Variants in SCFD2 observed in about 807,000 individuals in gnomAD.
SCFD2 encodes the protein sec1 family domain containing 2.
SCFD2 carries 54 observed loss-of-function variants against 58.9 expected under a neutral mutation model. The ratio of observed to expected loss-of-function variants is 0.92; its 90% CI spans 0.74 to 1.15. The LOEUF (loss-of-function observed/expected upper bound fraction) is 1.15, where lower values mean the gene tolerates loss of function less well. SCFD2 is among the 50% of genes most tolerant of loss of function. The pLI is 0.00. For synonymous variants in SCFD2, 321 were observed against 335.9 expected (o/e 0.96, Z 0.49); for missense variants, 805 against 836.6 (o/e 0.96, Z 0.47).
At chr4:53,263,549 A>G (rs1730891383) in intron 4 of SCFD2, among the ~76,000 whole-genome samples, 2 of 152,154 alleles carry the variant, frequency 1.3e-5, no homozygotes, top group Non-Finnish European at 2.9e-5. Context: ...TGGAGCTACA[A>G]GGTTTCAGGC....
At chr4:52,929,102 A>C (rs1337801889) in intron 5 of SCFD2, among the ~76,000 whole-genome samples, 1 of 152,184 alleles carries the variant, frequency 6.6e-6, no homozygotes, top group East Asian at 1.9e-4. Flanking sequence ...TGTCTATTTA[A>C]CAAGCAAAAC....
chr4:53,094,977 C>T (rs1321671409), intron 5 of SCFD2, among the ~76,000 whole-genome samples: 2 of 152,140 alleles, frequency 1.3e-5, no homozygotes, highest in Non-Finnish European at 2.9e-5. Context: ...GTTAGCATTA[C>T]TGATGTACTT....
intron 5 of SCFD2, among the ~76,000 whole-genome samples, chr4:53,060,396 G>A (rs1723475949): frequency 6.6e-6 from 1 of 152,094 alleles, no homozygotes; most frequent in Admixed American, 6.6e-5. Context: ...AGTTTTACAT[G>A]TAAATTGAAA....
At chr4:53,213,976 G>A (rs28496991) in intron 4 of SCFD2, among the ~76,000 whole-genome samples, 13,703 of 152,036 alleles carry the variant, frequency 0.09, 1,094 homozygotes, top group South Asian at 0.21. Flanking sequence ...CCCTACAAAG[G>A]ACATGAACTC....
At chr4:52,995,258 G>A (rs892487409) in intron 5 of SCFD2, among the ~76,000 whole-genome samples, 28 of 152,104 alleles carry the variant, frequency 1.8e-4, no homozygotes, top group African/African-American at 4.3e-4. Flanking sequence ...CAAGGAGCGC[G>A]GAACCTAGAT....
chr4:53,328,560 A>C (rs955969349), intron 2 of SCFD2, among the ~76,000 whole-genome samples: 2 of 152,264 alleles, frequency 1.3e-5, no homozygotes, highest in Admixed American at 6.5e-5. Flanking sequence ...CGAATCTATT[A>C]GTTTATGCTA....
chr4:53,060,403 G>T (rs1723476286), intron 5 of SCFD2, among the ~76,000 whole-genome samples: 1 of 152,224 alleles, frequency 6.6e-6, no homozygotes, highest in Admixed American at 6.5e-5. Flanking sequence ...CATGTAAATT[G>T]AAACAGAAAT....
intron 7 of SCFD2, among the ~76,000 whole-genome samples, chr4:52,899,948 C>T (rs1209580548): frequency 5.9e-5 from 9 of 152,182 alleles, no homozygotes. Context: ...GCATCGGTTA[C>T]TTAGGCTTGT....
intron 5 of SCFD2, among the ~76,000 whole-genome samples, chr4:53,074,464 T>C (rs1400636700): frequency 2.0e-5 from 3 of 152,184 alleles, no homozygotes; most frequent in Non-Finnish European, 4.4e-5. Flanking sequence ...TAATGGCATC[T>C]AGAATAGTGA....
intron 8 of SCFD2, among the ~76,000 whole-genome samples, chr4:52,881,794 TTGGAA>T (rs1329366461): frequency 6.6e-6 from 1 of 152,122 alleles, no homozygotes; most frequent in Non-Finnish European, 1.5e-5. Context: ...TTCTGTTATG[TTGGAA>T]TGGTACACGT....
At chr4:53,282,398 C>T (rs577048679) in intron 3 of SCFD2, among the ~76,000 whole-genome samples, 36 of 152,028 alleles carry the variant, frequency 2.4e-4, no homozygotes, top group Non-Finnish European at 4.9e-4. Flanking sequence ...CTTAATTTAT[C>T]TTTCAACTAT....
At chr4:53,244,853 C>T (rs1263292051) in intron 4 of SCFD2, among the ~76,000 whole-genome samples, 3 of 150,228 alleles carry the variant, frequency 2.0e-5, no homozygotes, top group African/African-American at 4.9e-5. Context: ...ATAAGATAGA[C>T]CAATAGCTAG....
rs187334404 is a variant in SCFD2 at position 53,140,790 on chromosome 4, G to A, written c.1561+4543C>T. 3.0e-3 allele frequency among the ~76,000 whole-genome samples: 453 copies of A among 152,288 alleles called. 1 individual carries two copies. Among genetic ancestry groups the A allele is most frequent in the African/African-American group, 0.01 (434 of 41,552 alleles). On this transcript the variant is annotated intron_variant, in intron 5 of 8. Transcript: ENST00000401642. ...TGAAATGGTTACCACAGGTGAGGTT[G>A]TGGCAGGTTTAGAATATCATGTTTA... is the stretch of plus-strand genomic sequence containing the variant.
Position 53,102,889 on chromosome 4 carries a change from T to C in SCFD2, c.1561+42444A>G, listed in dbSNP as rs553923487. ...ACAATAAGGTACCCAAATTCATTCA[T>C]TACAACTCATTGAATTAAGAATCCA... On this transcript the variant is annotated intron_variant, in intron 5 of 8. Transcript: ENST00000401642. 4.6e-5 allele frequency among the ~76,000 whole-genome samples: 7 copies of C among 152,228 alleles called. No individual in the cohort carries two copies. The South Asian group carries it at 1.5e-3, about 32-fold the overall frequency.
chr4:52,880,727 G>A (rs2109441923), intron 8 of SCFD2, among the ~76,000 whole-genome samples: 1 of 152,364 alleles, frequency 6.6e-6, no homozygotes, highest in Middle Eastern at 3.4e-3. Context: ...TACGAAAGCA[G>A]TGGATGGGGG....
chr4:52,976,634 C>A (rs1560499573), intron 5 of SCFD2, among the ~76,000 whole-genome samples: 1 of 152,246 alleles, frequency 6.6e-6, no homozygotes, highest in South Asian at 2.1e-4. Flanking sequence ...ACTGAAGGAG[C>A]GGATGTTCCC....
intron 5 of SCFD2, among the ~76,000 whole-genome samples, chr4:53,076,376 T>C (rs540537955): frequency 6.6e-6 from 1 of 152,282 alleles, no homozygotes; most frequent in South Asian, 2.1e-4. Context: ...AAAGACAGAA[T>C]GGCAGGCAAG....
intron 4 of SCFD2, among the ~76,000 whole-genome samples, chr4:53,238,224 GA>G (rs1729738806): frequency 1.4e-5 from 2 of 138,638 alleles, no homozygotes; most frequent in South Asian, 2.3e-4. Context: ...TGGCCGGGCA[GA>G]GGGGCTCCTC....
intron 4 of SCFD2, among the ~76,000 whole-genome samples, chr4:53,216,152 T>C (rs968673065): frequency 6.6e-6 from 1 of 152,246 alleles, no homozygotes; most frequent in African/African-American, 2.4e-5. Flanking sequence ...AGGATGATGC[T>C]GGCCTCATAA....
Sources: gnomAD v4.1 joint callset for allele counts (sites outside exome capture counted in the v4.1 genomes callset) on GRCh38, gnomAD v4.1.1 for gene constraint, MANE v1.5 for transcripts, NCBI Gene and HGNC (gene_info 2026-07-23, HGNC 2026-07-21) for gene names.